Variants in COL25A1 observed in about 807,000 individuals in gnomAD.
COL25A1 encodes the protein collagen type XXV alpha 1 chain, also known as collagen alpha-1(XXV) chain.
COL25A1 carries 103 observed loss-of-function variants against 128.4 expected under a neutral mutation model. That is an observed-to-expected ratio of 0.80 (90% CI 0.68 to 0.94). COL25A1 has a LOEUF of 0.94. Ranked by LOEUF, COL25A1 falls within the 40% of genes least tolerant of loss-of-function variation. COL25A1 has a pLI of 0.00. For synonymous variants in COL25A1, 279 were observed against 277.2 expected (o/e 1.01, Z -0.06); for missense variants, 745 against 840.0 (o/e 0.89, Z 1.40).
intron 26 of COL25A1, among the ~76,000 whole-genome samples, chr4:108,849,864 G>A (rs545273390): frequency 6.8e-4 from 103 of 152,286 alleles, no homozygotes; most frequent in Non-Finnish European, 6.5e-4. Context: ...AGAGCTATGA[G>A]GTACAGCATG....
At chr4:109,276,472 AG>A (rs1478352082) in intron 3 of COL25A1, among the ~76,000 whole-genome samples, 1 of 152,030 alleles carries the variant, frequency 6.6e-6, no homozygotes, top group Non-Finnish European at 1.5e-5. Flanking sequence ...TTGCCATAGT[AG>A]GTGCTTAATA....
chr4:108,957,350 C>A (rs895938873), intron 8 of COL25A1, among the ~76,000 whole-genome samples: 1 of 152,072 alleles, frequency 6.6e-6, no homozygotes, highest in Non-Finnish European at 1.5e-5. Flanking sequence ...AGCAGAACCA[C>A]CACCACCACC....
intron 5 of COL25A1, among the ~76,000 whole-genome samples, chr4:109,033,193 T>C (rs1220752415): frequency 1.3e-5 from 2 of 152,208 alleles, no homozygotes; most frequent in Non-Finnish European, 2.9e-5. Context: ...ACAACACATG[T>C]ACAGATTCAC....
intron 3 of COL25A1, among the ~76,000 whole-genome samples, chr4:109,101,322 G>C (rs564118993): frequency 6.6e-6 from 1 of 152,258 alleles, no homozygotes; most frequent in East Asian, 1.9e-4. Context: ...GTGACTGCAG[G>C]TGAGAAAAAA....
At chr4:108,911,266 T>C (rs1041007270) in intron 13 of COL25A1, among the ~76,000 whole-genome samples, 6 of 152,146 alleles carry the variant, frequency 3.9e-5, no homozygotes, top group African/African-American at 7.2e-5. Flanking sequence ...GTAGTATAAA[T>C]TGTAAGCATT....
intron 3 of COL25A1, among the ~76,000 whole-genome samples, chr4:109,222,252 C>T (rs377168730): frequency 1.3e-5 from 2 of 151,498 alleles, no homozygotes; most frequent in East Asian, 1.9e-4. Flanking sequence ...TTGGTAGAGC[C>T]GGGGTTTCAC....
chr4:109,257,576 A>G (rs1319456093), intron 3 of COL25A1, among the ~76,000 whole-genome samples: 2 of 152,216 alleles, frequency 1.3e-5, no homozygotes, highest in Non-Finnish European at 2.9e-5. Context: ...CTATCTTTCC[A>G]TAGACTTTTA....
At chr4:109,214,061 C>G (rs902825299) in intron 3 of COL25A1, among the ~76,000 whole-genome samples, 1 of 152,080 alleles carries the variant, frequency 6.6e-6, no homozygotes, top group African/African-American at 2.4e-5. Context: ...CCTGATTTCT[C>G]CCTGTAACCA....
chr4:108,943,312 C>A (rs1348835024), intron 8 of COL25A1, among the ~76,000 whole-genome samples: 2 of 152,320 alleles, frequency 1.3e-5, no homozygotes, highest in Middle Eastern at 3.4e-3. Flanking sequence ...TCAGGACATA[C>A]AATACGTGTA....
chr4:108,854,425 C>T (rs957634987), intron 24 of COL25A1, among the ~76,000 whole-genome samples: 1 of 152,042 alleles, frequency 6.6e-6, no homozygotes, highest in Non-Finnish European at 1.5e-5. Flanking sequence ...TCAGAGTGAA[C>T]AGGCAACCTA....
chr4:109,176,312 C>T (rs1011127490), intron 3 of COL25A1, among the ~76,000 whole-genome samples: 1 of 152,162 alleles, frequency 6.6e-6, no homozygotes, highest in African/African-American at 2.4e-5. Context: ...ATCGCTTGAA[C>T]CTGGGAGGTG....
intron 2 of COL25A1, among the ~76,000 whole-genome samples, chr4:109,301,057 A>T (rs1725472468): frequency 6.6e-6 from 1 of 152,174 alleles, no homozygotes; most frequent in Non-Finnish European, 1.5e-5. Flanking sequence ...ACTGCCAAAT[A>T]GGCTCCCGGC....
At chr4:109,120,229 G>A (rs1767993841) in intron 3 of COL25A1, among the ~76,000 whole-genome samples, 1 of 152,114 alleles carries the variant, frequency 6.6e-6, no homozygotes, top group Non-Finnish European at 1.5e-5. Context: ...AAGGCAAGAT[G>A]TCTCTTCTCA....
intron 3 of COL25A1, among the ~76,000 whole-genome samples, chr4:109,129,013 G>C (rs1005812541): frequency 2.6e-5 from 4 of 152,340 alleles, no homozygotes; most frequent in Non-Finnish European, 5.9e-5. Flanking sequence ...ACGTGTCTAA[G>C]GAGAGCCTGG....
intron 3 of COL25A1, among the ~76,000 whole-genome samples, chr4:109,258,480 T>C (rs567978531): frequency 6.6e-5 from 10 of 152,230 alleles, no homozygotes; most frequent in Non-Finnish European, 1.3e-4. Flanking sequence ...CATATAATTA[T>C]TTTGAGACTA....
chr4:109,083,346 C>G (rs1277156538), intron 3 of COL25A1, among the ~76,000 whole-genome samples: 1 of 148,632 alleles, frequency 6.7e-6, no homozygotes, highest in Non-Finnish European at 1.5e-5. Flanking sequence ...GGAAGCATAA[C>G]AATTTTATTA....
chr4:109,172,507 C>T (rs1167042052), intron 3 of COL25A1, among the ~76,000 whole-genome samples: 1 of 152,106 alleles, frequency 6.6e-6, no homozygotes, highest in African/African-American at 2.4e-5. Context: ...TTCTTGCCTC[C>T]TGTGGGTCTA....
chr4:109,216,824 G>A (rs967502454), intron 3 of COL25A1, among the ~76,000 whole-genome samples: 14 of 152,018 alleles, frequency 9.2e-5, no homozygotes, highest in Admixed American at 5.9e-4. Context: ...ATACAACTGG[G>A]CACAATAAAA....
chr4:108,914,680 A>G (rs1744659700), intron 13 of COL25A1, among the ~76,000 whole-genome samples: 1 of 120,420 alleles, frequency 8.3e-6, no homozygotes, highest in African/African-American at 3.3e-5. Flanking sequence ...TTTTTGAGAC[A>G]GGGTCTCACT....
Sources: gnomAD v4.1 joint callset for allele counts (sites outside exome capture counted in the v4.1 genomes callset) on GRCh38, gnomAD v4.1.1 for gene constraint, MANE v1.5 for transcripts, NCBI Gene and HGNC (gene_info 2026-07-23, HGNC 2026-07-21) for gene names.